SRSF11: variants seen among roughly 807,000 people sequenced by gnomAD.
The protein encoded by SRSF11 is serine/arginine-rich splicing factor 11.
A neutral mutation model predicts 56.0 loss-of-function variants in SRSF11; 9 were observed. The observed-to-expected ratio is 0.16, with a 90% CI of 0.10 to 0.28. SRSF11 has a LOEUF of 0.28. SRSF11 is among the 10% of genes least tolerant of loss of function. The probability of loss-of-function intolerance (pLI) is 1.00; values close to 1 mark genes in which losing one functional copy is unlikely to be tolerated. For synonymous variants in SRSF11, 222 were observed against 215.3 expected (o/e 1.03, Z -0.27); for missense variants, 421 against 600.7 (o/e 0.70, Z 3.13).
At position 70,251,700 on chromosome 1, in the gene SRSF11, G is replaced by A. The variant is rs547248940; in HGVS notation, c.*895G>A. The stretch of plus-strand genomic sequence containing the variant: ...TTTAAGCTCCGTGTTGGAAAAAAGG[G>A]GTAGTGCATTTTAAATTGACCTTCA... On this transcript the variant is annotated 3_prime_UTR_variant, in exon 12 of 12. Coordinates refer to ENST00000370949, the MANE Select transcript of SRSF11 (RefSeq NM_001350605.2). 1.1e-4 allele frequency: 17 copies of A among 152,586 alleles called. No homozygotes were observed. In the South Asian group the frequency reaches 3.3e-3, roughly 30 times the overall value. The allele number at this position is 152,586 out of a possible 1,614,324, so 9.5% of individuals were successfully genotyped here.
In SRSF11 at chr1:70,230,130, G is replaced by T. The variant is rs527463728; in HGVS notation, c.337+1575G>T. 1.4e-4 allele frequency: 133 copies of T among 983,066 alleles called. No homozygotes were observed. The African/African-American group carries it at 1.9e-3, about 14-fold the overall frequency. The allele number at this position is 983,066 out of a possible 1,614,324, so 60.9% of individuals were successfully genotyped here. ...CTAAGTATTATAGTTCCCAATCCCT[G>T]AACATAATACAGTATATCATATAAA... On this transcript the variant is annotated intron_variant, in intron 2 of 11. Transcript: ENST00000370949.
intron 7 of SRSF11, 55 bp downstream of exon 7, chr1:70,239,575 A>T (rs1571856342): frequency 7.6e-7 from 1 of 1,308,190 alleles, no homozygotes; most frequent in East Asian, 2.4e-5. Context: ...TATATATGTC[A>T]CATCTTTTTT....
chr1:70,227,629 A>G (rs911413355), intron 1 of SRSF11, among the ~76,000 whole-genome samples: 12 of 152,140 alleles, frequency 7.9e-5, no homozygotes, highest in African/African-American at 2.7e-4. Context: ...TTCAAGGCAG[A>G]AATTTGAGCT....
Position 70,252,226 on chromosome 1 carries a change from A to AT in SRSF11, c.*1427dup, listed in dbSNP as rs765074557. 2.0e-5 allele frequency: 3 copies of AT among 152,074 alleles called. No individual in the cohort carries two copies. The highest frequency in any genetic ancestry group is 4.4e-5 in the Non-Finnish European group (3 of 67,970). 9.4% of individuals were successfully genotyped at this position (152,074 alleles called of 1,614,324 possible). A position where few individuals can be genotyped will look rare whatever the true frequency, so the allele number is the denominator to read the frequency against. On this transcript the variant is annotated 3_prime_UTR_variant, in exon 12 of 12. Transcript: ENST00000370949. ...TTAGCTTAGTATCATTTTATTGCTT[A>AT]TTTTTTGTGTGGGAATGGGGTTGGA... is the stretch of plus-strand genomic sequence containing the variant.
At chr1:70,224,677 T>A (rs1034473810) in intron 1 of SRSF11, among the ~76,000 whole-genome samples, 2 of 152,218 alleles carry the variant, frequency 1.3e-5, no homozygotes, top group African/African-American at 4.8e-5. Context: ...ATTTATTCCT[T>A]CTTTTAAACC....
Position 70,230,494 on chromosome 1 carries a change from C to T in SRSF11, c.338-1774C>T. ...AATGGATTTGGGGATTTTTTAGGTTCCTTGGTTAATGTTTGTTTCTTTTGT... is the reference window on the plus strand; with the variant it reads ...AATGGATTTGGGGATTTTTTAGGTTTCTTGGTTAATGTTTGTTTCTTTTGT... On this transcript the variant is annotated intron_variant, in intron 2 of 11. Transcript: ENST00000370949. 3.2e-6 allele frequency: 4 copies of T among 1,236,152 alleles called. No homozygotes were observed. The South Asian group carries it at 4.2e-5, about 13-fold the overall frequency. 76.6% of individuals were successfully genotyped at this position (1,236,152 alleles called of 1,614,324 possible).
chr1:70,210,829 T>C (rs749904227), intron 1 of SRSF11, among the ~76,000 whole-genome samples: 2 of 152,072 alleles, frequency 1.3e-5, no homozygotes, highest in Non-Finnish European at 2.9e-5. Context: ...TTTTTTTAAA[T>C]GTTAGTTTTA....
At chr1:70,237,233 TAAAAC>T (rs1674322152) in intron 5 of SRSF11, among the ~76,000 whole-genome samples, 187 bp from the exon 6 acceptor site, 1 of 152,234 alleles carries the variant, frequency 6.6e-6, no homozygotes, top group South Asian at 2.1e-4. Flanking sequence ...TCTTAGTCAT[TAAAAC>T]AAATACTTGT....
At chr1:70,219,734 A>G (rs1670343381), upstream of SRSF11, among the ~76,000 whole-genome samples, 1 of 152,222 alleles carries the variant, frequency 6.6e-6, no homozygotes, top group South Asian at 2.1e-4. Context: ...GTTGATTTCT[A>G]TGAAGGCCAT....
At chr1:70,227,402 CAGAG>C (rs752779331) in intron 1 of SRSF11, among the ~76,000 whole-genome samples, 5 of 152,070 alleles carry the variant, frequency 3.3e-5, no homozygotes, top group South Asian at 2.1e-4. Context: ...ATAAAATTGT[CAGAG>C]AGAATTAAAG....
In SRSF11 at chr1:70,252,616, C is replaced by T. The variant is rs1678111394; in HGVS notation, c.*1811C>T. 6.6e-6 allele frequency: 1 copy of T among 151,864 alleles called. No individual in the cohort carries two copies. Among genetic ancestry groups the T allele is most frequent in the Non-Finnish European group, 1.5e-5 (1 of 67,978 alleles). 9.4% of individuals were successfully genotyped at this position (151,864 alleles called of 1,614,324 possible). On this transcript the variant is annotated 3_prime_UTR_variant, in exon 12 of 12. Transcript: ENST00000370949. ...TTGTCTATAGTGAGTAAAAGAAGTT[C>T]TAATAATGGTCCTAATCACTGCATT...
chr1:70,229,206 A>T (rs973441670), intron 2 of SRSF11: 3 of 1,288,906 alleles, frequency 2.3e-6, no homozygotes, highest in Non-Finnish European at 3.0e-6. Flanking sequence ...TGTGATTTTT[A>T]TAGTGGAGAA....
At chr1:70,209,740 C>CTTTTTTTTTTTTTTTTTT (rs923729248) in intron 1 of SRSF11, among the ~76,000 whole-genome samples, 3 of 27,482 alleles carry the variant, frequency 1.1e-4, no homozygotes, top group Non-Finnish European at 2.1e-4. Flanking sequence ...CACCTCGCTT[C>CTTTTTTTTTTTTTTTTTT]TTTTTTTTTT....
intron 1 of SRSF11, among the ~76,000 whole-genome samples, chr1:70,208,325 G>GGGGTGT (rs1553219537): frequency 2.7e-5 from 4 of 148,664 alleles, no homozygotes; most frequent in Non-Finnish European, 6.0e-5. Context: ...TACAGTGTAT[G>GGGGTGT]GTGTGTGTGT....
At chr1:70,209,307 C>T (rs1348786126) in intron 1 of SRSF11, among the ~76,000 whole-genome samples, 1 of 152,162 alleles carries the variant, frequency 6.6e-6, no homozygotes, top group African/African-American at 2.4e-5. Flanking sequence ...GGCAGATTTG[C>T]AAGCACACTT....
chr1:70,221,773 C>G lies in SRSF11; in HGVS notation c.137C>G (p.Ser46Cys). ...ACTAATGTCTCCCCGAGCGCTAGCT[C>G]TGAGCAGATGCGGACTCTCTTCGGT... ...QVTNVSPSAS[S>C]EQMRTLFGFL... Residue 46 changes from serine to cysteine, a missense_variant, in exon 1 of 12, where the codon TCT becomes TGT. By Grantham distance (112) the Ser-to-Cys change is moderately radical. This residue lies in a region of SRSF11 where 168 missense variants were observed against 294.9 expected (regional missense o/e 0.57). Transcript: ENST00000370949. 6.2e-7 allele frequency: 1 copy of G among 1,614,182 alleles called. No homozygotes were observed. The highest frequency in any genetic ancestry group is 8.5e-7 in the Non-Finnish European group (1 of 1,180,042).
Position 70,211,171 on chromosome 1 carries a change from A to ATT in SRSF11, c.-26+5402_-26+5403dup, listed in dbSNP as rs3835561. Among the ~76,000 whole-genome samples the ATT allele has an allele frequency of 2.5e-4, 37 of 146,464 alleles. No homozygotes were observed. In the East Asian group the frequency reaches 3.4e-3, roughly 13 times the overall value. On this transcript the variant is annotated intron_variant, in intron 1 of 12. Transcript: ENST00000370950. ...TTGTATTAATTGTATGGATTTTATG[A>ATT]TTTTTTTTTTTTGGCTTTAAACTAG...
rs1672890550 is a variant in SRSF11, at chr1:70,231,776, T to A, written c.338-492T>A. 2.3e-6 allele frequency: 3 copies of A among 1,289,806 alleles called. No individual in the cohort carries two copies. The Admixed American group carries it at 7.5e-5, about 32-fold the overall frequency. 79.9% of individuals were successfully genotyped at this position (1,289,806 alleles called of 1,614,324 possible). A position where few individuals can be genotyped will look rare whatever the true frequency, so the allele number is the denominator to read the frequency against. On this transcript the variant is annotated intron_variant, in intron 2 of 11. Transcript: ENST00000370949. ...TTTGTATGGTAGGTGTAAAAGAAAA[T>A]CATAGTAACTGTACCATATTATTAA... is the stretch of plus-strand genomic sequence containing the variant.
upstream of SRSF11, among the ~76,000 whole-genome samples, chr1:70,219,937 A>AGTTT (rs1228304536): frequency 2.0e-5 from 3 of 152,364 alleles, no homozygotes; most frequent in East Asian, 3.9e-4. Flanking sequence ...TAAGGCTTCA[A>AGTTT]GTTTGTTTGT....
Sources: gnomAD v4.1 joint callset for allele counts (sites outside exome capture counted in the v4.1 genomes callset) on GRCh38, gnomAD v4.1.1 for gene constraint, gnomAD v4.1.1 regional missense constraint, MANE v1.5 for transcripts, NCBI Gene and HGNC (gene_info 2026-07-23, HGNC 2026-07-21) for gene names.